Variants in DDHD1 observed in about 807,000 individuals in gnomAD.
The protein encoded by DDHD1 is phospholipase DDHD1.
In DDHD1, 49 loss-of-function variants were observed where a neutral mutation model predicts 96.4. That is an observed-to-expected ratio of 0.51 (90% confidence interval 0.40 to 0.64). The LOEUF is 0.64. DDHD1 is among the 30% of genes least tolerant of loss of function. The probability of loss-of-function intolerance (pLI) is 0.00; values close to 1 mark genes in which losing one functional copy is unlikely to be tolerated. For missense variants in DDHD1, 1,106 were observed against 1,161.2 expected (o/e 0.95, Z 0.69); for synonymous variants, 442 against 446.5 (o/e 0.99, Z 0.13).
intron 1 of DDHD1, among the ~76,000 whole-genome samples, chr14:53,140,727 T>TA: frequency 6.6e-6 from 1 of 152,324 alleles, no homozygotes; most frequent in South Asian, 2.1e-4. Flanking sequence ...ATGTTCATTT[T>TA]AAAATCAAAC....
rs1307342725 is a variant in DDHD1, at chr14:53,037,831, G to C, written c.*8937C>G. The C allele has an allele frequency of 6.6e-6, 1 of 151,994 alleles. No individual in the cohort carries two copies. Among genetic ancestry groups the C allele is most frequent in the Admixed American group, 6.6e-5 (1 of 15,252 alleles). 9.4% of individuals were successfully genotyped at this position (151,994 alleles called of 1,614,324 possible). A position where few individuals can be genotyped will look rare whatever the true frequency, so the allele number is the denominator to read the frequency against. Reference sequence around the variant, plus strand: ...CTGATGTTGATAAGGGTATTTCCTAGGTTTTCTTCTAGGATTTTTACAGTT... The same window carrying C: ...CTGATGTTGATAAGGGTATTTCCTACGTTTTCTTCTAGGATTTTTACAGTT... On this transcript the variant is annotated 3_prime_UTR_variant, in exon 13 of 13. Transcript: ENST00000673822.
rs757402864 is a variant in DDHD1, at chr14:53,152,480, C to T, written c.619G>A (p.Gly207Ser). The change falls in exon 1 of 13, where the codon GGC becomes AGC. Residue 207 changes from glycine (G) to serine (S), a missense_variant. Physicochemically the swap from Gly to Ser is moderately conservative, Grantham distance 56. This residue lies in a region of DDHD1 where 456 missense variants were observed against 402.4 expected (regional missense o/e 1.13). Transcript: ENST00000673822. Reference protein sequence around the residue: ...LLQTTGARPQGGDRDGDHVCS... With the variant: ...LLQTTGARPQSGDRDGDHVCS... ...ACATGGTCGCCGTCCCGGTCCCCGC[C>T]CTGGGGCCGGGCACCCGTGGTCTGC... 6.8e-6 allele frequency: 11 copies of T among 1,613,076 alleles called. No individual in the cohort carries two copies. The South Asian group carries it at 8.8e-5, about 13-fold the overall frequency.
At chr14:53,057,204 C>T (rs1382073343) in intron 9 of DDHD1, among the ~76,000 whole-genome samples, 1 of 152,050 alleles carries the variant, frequency 6.6e-6, no homozygotes, top group East Asian at 1.9e-4. Flanking sequence ...TTATTTGGTA[C>T]TAGCTAAAAG....
chr14:53,117,577 T>C (rs886609981), intron 1 of DDHD1, among the ~76,000 whole-genome samples: 4 of 152,108 alleles, frequency 2.6e-5, no homozygotes, highest in African/African-American at 9.7e-5. Flanking sequence ...TTTGAGGCTG[T>C]AGCCTGGTGG....
chr14:53,138,812 T>C (rs1169368120), intron 1 of DDHD1, among the ~76,000 whole-genome samples: 1 of 152,152 alleles, frequency 6.6e-6, no homozygotes, highest in Non-Finnish European at 1.5e-5. Flanking sequence ...AATTACACCT[T>C]GTTGCAGGTT....
At chr14:53,066,903 G>T (rs189675433) in intron 6 of DDHD1, among the ~76,000 whole-genome samples, 6 of 149,930 alleles carry the variant, frequency 4.0e-5, no homozygotes, top group Admixed American at 3.3e-4. Context: ...GAAGACAGAG[G>T]CTGCAGTGAG....
intron 1 of DDHD1, among the ~76,000 whole-genome samples, chr14:53,132,240 T>C (rs2139843253): frequency 6.6e-6 from 1 of 152,176 alleles, no homozygotes; most frequent in East Asian, 1.9e-4. Context: ...ACACAAGAGC[T>C]GGGACCGTAC....
chr14:53,049,623 T>C (rs957177958), intron 12 of DDHD1, among the ~76,000 whole-genome samples: 5 of 141,468 alleles, frequency 3.5e-5, no homozygotes, highest in African/African-American at 1.4e-4. Context: ...TTCAGGTTGG[T>C]AGTTTTTCCC....
At chr14:53,078,511 A>G (rs754461036) in intron 4 of DDHD1, among the ~76,000 whole-genome samples, 10 of 152,112 alleles carry the variant, frequency 6.6e-5, no homozygotes, top group Non-Finnish European at 1.0e-4. Context: ...AGAGTACTTT[A>G]TATATCCTGG....
intron 10 of DDHD1, among the ~76,000 whole-genome samples, chr14:53,055,174 T>C (rs1209634860): frequency 1.3e-5 from 2 of 152,194 alleles, no homozygotes; most frequent in Non-Finnish European, 2.9e-5. Context: ...GTTCCAGTGA[T>C]ACAGCAAACA....
In DDHD1 at chr14:53,080,717, C is replaced by CTTCT. The variant is rs781757807; in HGVS notation, c.1290-6871_1290-6870insAGAA. 1.2e-4 allele frequency among the ~76,000 whole-genome samples: 11 copies of CTTCT among 89,498 alleles called. 4 individuals carry two copies. The highest frequency in any genetic ancestry group is 2.4e-4 in the Admixed American group (2 of 8,250). 58.7% of individuals were successfully genotyped at this position (89,498 alleles called of 152,430 possible). A position where few individuals can be genotyped will look rare whatever the true frequency, so the allele number is the denominator to read the frequency against. ...ATAATTTCATTTCTTTTCCTTCCCC[C>CTTCT]TTTTTTTTTTTTTTTTTTTTGGAGA... On this transcript the variant is annotated intron_variant, in intron 4 of 12. Transcript: ENST00000673822.
In DDHD1 at chr14:53,103,730, T is replaced by G. The variant is rs937254999; in HGVS notation, c.965A>C (p.Gln322Pro). Residue 322 changes from glutamine to proline, a missense_variant, in exon 2 of 13, where the codon CAG becomes CCG. Transcript: ENST00000673822. ...TGACACTTCAATATCGAAATTTTCCTGCATCTGCTGGCCCCTAAAACAATT... is the reference window on the plus strand; with the variant it reads ...TGACACTTCAATATCGAAATTTTCCGGCATCTGCTGGCCCCTAAAACAATT... ...HLNCFRGQQM[Q>P]ENFDIEVSKS... 23 of 1,613,232 alleles carry G rather than the reference T, an allele frequency of 1.4e-5. No individual in the cohort carries two copies. Among genetic ancestry groups the G allele is most frequent in the Non-Finnish European group, 1.9e-5 (23 of 1,179,756 alleles).
At chr14:53,140,574 TAG>T (rs1247555389) in intron 1 of DDHD1, among the ~76,000 whole-genome samples, 1 of 151,734 alleles carries the variant, frequency 6.6e-6, no homozygotes, top group Non-Finnish European at 1.5e-5. Context: ...AACACAAACC[TAG>T]ACAAATACGA....
chr14:53,138,751 T>C (rs1404835347), intron 1 of DDHD1, among the ~76,000 whole-genome samples: 1 of 152,136 alleles, frequency 6.6e-6, no homozygotes, highest in Non-Finnish European at 1.5e-5. Flanking sequence ...AAAGGTCCAG[T>C]GTGGGCTATA....
chr14:53,045,769 T>G lies in DDHD1; in HGVS notation c.*999A>C, dbSNP rs1881965132. ...ATCCTGACTTACTGTGCCTTGTGTCTCAATGGCACATTGAGAAACAATGTG... is the reference window on the plus strand; with the variant it reads ...ATCCTGACTTACTGTGCCTTGTGTCGCAATGGCACATTGAGAAACAATGTG... On this transcript the variant is annotated 3_prime_UTR_variant, in exon 13 of 13. Coordinates refer to ENST00000673822, the MANE Select transcript of DDHD1 (RefSeq NM_001160148.2). 6.6e-6 allele frequency: 1 copy of G among 152,180 alleles called. No individual in the cohort carries two copies. The highest frequency in any genetic ancestry group is 1.5e-5 in the Non-Finnish European group (1 of 68,034). The allele number at this position is 152,180 out of a possible 1,614,324, so 9.4% of individuals were successfully genotyped here. A position where few individuals can be genotyped will look rare whatever the true frequency, so the allele number is the denominator to read the frequency against.
chr14:53,071,469 G>A (rs1884503825), intron 6 of DDHD1, among the ~76,000 whole-genome samples: 1 of 152,014 alleles, frequency 6.6e-6, no homozygotes, highest in African/African-American at 2.4e-5. Flanking sequence ...TGAAGGCACA[G>A]ACTCCCCCTT....
intron 2 of DDHD1, among the ~76,000 whole-genome samples, chr14:53,101,691 T>C (rs761194052): frequency 3.9e-5 from 6 of 152,070 alleles, no homozygotes; most frequent in Non-Finnish European, 8.8e-5. Context: ...CTAAAAAATG[T>C]ACTCACACAA....
chr14:53,102,670 C>A lies in DDHD1; in HGVS notation c.1012+1013G>T, dbSNP rs552073574. Among the ~76,000 whole-genome samples the A allele has an allele frequency of 2.0e-5, 3 of 149,104 alleles. No homozygotes were observed. In the East Asian group the frequency reaches 6.0e-4, roughly 30 times the overall value. On this transcript the variant is annotated intron_variant, in intron 2 of 12. Coordinates refer to ENST00000673822, the MANE Select transcript of DDHD1 (RefSeq NM_001160148.2). ...ATATGTTCAGAGAGGTAAGAGAGAG[C>A]AAAGAGTGGCAGAGAGAAAAAATAT...
intron 2 of DDHD1, among the ~76,000 whole-genome samples, chr14:53,101,928 G>A (rs948633571): frequency 2.0e-5 from 3 of 151,634 alleles, no homozygotes; most frequent in African/African-American, 7.3e-5. Context: ...AAAAAAAAAA[G>A]TTCTGAACAC....
Sources: gnomAD v4.1 joint callset for allele counts (sites outside exome capture counted in the v4.1 genomes callset) on GRCh38, gnomAD v4.1.1 for gene constraint, gnomAD v4.1.1 regional missense constraint, MANE v1.5 for transcripts, NCBI Gene and HGNC (gene_info 2026-07-23, HGNC 2026-07-21) for gene names.